NRG3: variants seen among roughly 807,000 people sequenced by gnomAD.
The protein encoded by NRG3 is pro-neuregulin-3, membrane-bound isoform.
A neutral mutation model predicts 66.9 loss-of-function variants in NRG3; 31 were observed. The ratio of observed to expected loss-of-function variants is 0.46; its 90% CI spans 0.35 to 0.63. NRG3 has a LOEUF of 0.63. Among genes scored for constraint, NRG3 ranks in the 20% least tolerant of loss-of-function variants. The pLI is 0.00. For missense variants in NRG3, 910 were observed against 878.9 expected (o/e 1.04, Z -0.45); for synonymous variants, 393 against 359.4 (o/e 1.09, Z -1.06).
intron 1 of NRG3, among the ~76,000 whole-genome samples, chr10:81,884,074 G>A (rs1177778444): frequency 6.6e-6 from 1 of 152,142 alleles, no homozygotes; most frequent in African/African-American, 2.4e-5. Context: ...TAATCAAGCT[G>A]GGCTTAGGAT....
intron 2 of NRG3, among the ~76,000 whole-genome samples, chr10:82,540,423 TG>T (rs1003543134): frequency 1.3e-5 from 2 of 152,062 alleles, no homozygotes; most frequent in Non-Finnish European, 2.9e-5. Flanking sequence ...AAAGATGTTT[TG>T]GGGGGTCAGA....
In NRG3 at chr10:82,257,000, G is replaced by C. The variant is rs1265000365; in HGVS notation, c.824-101739G>C. Among the ~76,000 whole-genome samples the C allele has an allele frequency of 2.0e-5, 3 of 152,190 alleles. No individual in the cohort carries two copies. The East Asian group carries it at 5.8e-4, about 29-fold the overall frequency. On this transcript the variant is annotated intron_variant, in intron 1 of 8. Transcript: ENST00000372141. ...CTCAGTTGACAATGTGTAGACGACAGGGTTTATAACCAGTACTACTTCTCA... is the reference window on the plus strand; with the variant it reads ...CTCAGTTGACAATGTGTAGACGACACGGTTTATAACCAGTACTACTTCTCA...
At chr10:82,468,173 G>A (rs559208081) in intron 2 of NRG3, among the ~76,000 whole-genome samples, 172 of 152,218 alleles carry the variant, frequency 1.1e-3, no homozygotes, top group African/African-American at 4.0e-3. Context: ...TTAGAACTAG[G>A]ATTTAAACCC....
intron 1 of NRG3, among the ~76,000 whole-genome samples, chr10:81,990,328 A>T (rs2060692029): frequency 6.6e-6 from 1 of 152,206 alleles, no homozygotes; most frequent in Non-Finnish European, 1.5e-5. Context: ...GAATTTGAAG[A>T]TAAATCTAAA....
chr10:82,492,508 T>C (rs1843242029), intron 2 of NRG3, among the ~76,000 whole-genome samples: 1 of 152,124 alleles, frequency 6.6e-6, no homozygotes, highest in Non-Finnish European at 1.5e-5. Flanking sequence ...CCCCCTAGGC[T>C]CAAAGTGGTT....
At chr10:82,005,902 T>TGTGTGTGA (rs1321035312) in intron 1 of NRG3, among the ~76,000 whole-genome samples, 1 of 151,544 alleles carries the variant, frequency 6.6e-6, no homozygotes, top group Non-Finnish European at 1.5e-5. Flanking sequence ...GTATTTTGTG[T>TGTGTGTGA]GTGTGTGTGT....
chr10:82,897,796 A>T (rs1279469004), intron 4 of NRG3, among the ~76,000 whole-genome samples: 1 of 152,206 alleles, frequency 6.6e-6, no homozygotes, highest in Non-Finnish European at 1.5e-5. Flanking sequence ...CCGGGATTAC[A>T]GGCATAAGCC....
At chr10:82,811,823 G>C (rs1469242217) in intron 3 of NRG3, among the ~76,000 whole-genome samples, 1 of 152,172 alleles carries the variant, frequency 6.6e-6, no homozygotes, top group Non-Finnish European at 1.5e-5. Flanking sequence ...CAGGGGGCAG[G>C]CTTTGAAATT....
intron 1 of NRG3, among the ~76,000 whole-genome samples, chr10:82,316,589 C>T (rs1346242053): frequency 2.6e-5 from 4 of 152,106 alleles, no homozygotes; most frequent in Non-Finnish European, 4.4e-5. Context: ...CACTGTGGCC[C>T]GCATTACACA....
intron 1 of NRG3, among the ~76,000 whole-genome samples, chr10:82,120,236 C>A (rs1206341553): frequency 6.6e-6 from 1 of 151,976 alleles, no homozygotes; most frequent in African/African-American, 2.4e-5. Flanking sequence ...TAAATATACA[C>A]CCAGGTCCTC....
chr10:82,038,359 T>A (rs1365057228), intron 1 of NRG3, among the ~76,000 whole-genome samples: 3 of 152,160 alleles, frequency 2.0e-5, no homozygotes. Flanking sequence ...AGGCTGTATC[T>A]AACCCTTTAT....
intron 2 of NRG3, among the ~76,000 whole-genome samples, chr10:82,482,893 A>G (rs146002153): frequency 3.9e-5 from 6 of 152,164 alleles, no homozygotes; most frequent in Non-Finnish European, 8.8e-5. Context: ...GAGAGTCATA[A>G]ATACAGAGTC....
chr10:82,292,308 AG>A (rs1389798515), intron 1 of NRG3, among the ~76,000 whole-genome samples: 8 of 152,154 alleles, frequency 5.3e-5, no homozygotes, highest in Admixed American at 4.6e-4. Context: ...TTAAAAAAAA[AG>A]AAAAAAGGAA....
intron 1 of NRG3, among the ~76,000 whole-genome samples, chr10:82,263,522 T>G (rs2078142046): frequency 6.6e-6 from 1 of 152,158 alleles, no homozygotes; most frequent in Non-Finnish European, 1.5e-5. Flanking sequence ...ACTGATATAG[T>G]AAAAATGTTC....
chr10:82,544,719 C>G (rs2043774604), intron 2 of NRG3, among the ~76,000 whole-genome samples: 1 of 152,140 alleles, frequency 6.6e-6, no homozygotes, highest in African/African-American at 2.4e-5. Flanking sequence ...CTTAGCGCAC[C>G]TAGGAGCTGA....
At chr10:82,489,368 G>C (rs1842924439) in intron 2 of NRG3, among the ~76,000 whole-genome samples, 1 of 152,188 alleles carries the variant, frequency 6.6e-6, no homozygotes, top group South Asian at 2.1e-4. Context: ...AGTTTCTGTA[G>C]GCAGTTTTCT....
intron 2 of NRG3, among the ~76,000 whole-genome samples, chr10:82,718,177 C>T (rs971202088): frequency 2.0e-5 from 3 of 152,214 alleles, no homozygotes; most frequent in African/African-American, 7.2e-5. Context: ...TTCTTCAACT[C>T]AAATATCTCC....
At chr10:82,607,317 C>T (rs950479032) in intron 2 of NRG3, among the ~76,000 whole-genome samples, 1 of 143,354 alleles carries the variant, frequency 7.0e-6, no homozygotes, top group Non-Finnish European at 1.6e-5. Flanking sequence ...AGACTTTACC[C>T]CTTCTTCATT....
chr10:82,960,086 T>C (rs1327117082), intron 6 of NRG3, among the ~76,000 whole-genome samples: 1 of 152,196 alleles, frequency 6.6e-6, no homozygotes, highest in Non-Finnish European at 1.5e-5. Context: ...AATTTATACA[T>C]CACTGGTGAT....
Sources: allele counts gnomAD v4.1 joint callset (sites outside exome capture counted in the v4.1 genomes callset), GRCh38; gene constraint gnomAD v4.1.1; transcripts MANE v1.5; gene names NCBI Gene and HGNC (gene_info 2026-07-23, HGNC 2026-07-21).